The following GNAO1 variants were observed in gnomAD, a reference collection of about 807,000 sequenced individuals.
The protein encoded by GNAO1 is guanine nucleotide-binding protein G(o) subunit alpha.
For synonymous variants in GNAO1, 164 were observed against 180.7 expected (o/e 0.91, Z 0.74); for missense variants, 166 against 478.7 (o/e 0.35, Z 6.10).
intron 2 of GNAO1, among the ~76,000 whole-genome samples, chr16:56,211,398 C>T (rs2036386193): frequency 6.6e-6 from 1 of 152,156 alleles, no homozygotes; most frequent in Non-Finnish European, 1.5e-5. Flanking sequence ...ATAGACACCC[C>T]CAGAACTCCC....
intron 2 of GNAO1, among the ~76,000 whole-genome samples, chr16:56,265,386 C>G (rs1310369305): frequency 6.6e-6 from 1 of 152,240 alleles, no homozygotes. Context: ...CCTGGCCATG[C>G]AGGTCGGGCT....
intron 4 of GNAO1, chr16:56,329,137 CT>C: frequency 4.9e-6 from 1 of 205,456 alleles, no homozygotes; most frequent in Non-Finnish European, 9.7e-6. Context: ...TAGGGAGCCC[CT>C]GACCGCATAA....
At chr16:56,227,782 A>AT (rs1323593694) in intron 2 of GNAO1, among the ~76,000 whole-genome samples, 1 of 146,684 alleles carries the variant, frequency 6.8e-6, no homozygotes, top group Non-Finnish European at 1.5e-5. Context: ...TATTGGTATT[A>AT]TTTTCCCTGG....
chr16:56,196,734 GGT>G (rs1176314981), intron 2 of GNAO1, among the ~76,000 whole-genome samples: 4 of 152,190 alleles, frequency 2.6e-5, no homozygotes, highest in Non-Finnish European at 5.9e-5. Flanking sequence ...CATGCTAGCT[GGT>G]AGTCTTTACC....
At chr16:56,219,569 C>A (rs571141430) in intron 2 of GNAO1, among the ~76,000 whole-genome samples, 1 of 152,248 alleles carries the variant, frequency 6.6e-6, no homozygotes, top group Non-Finnish European at 1.5e-5. Flanking sequence ...GTATCCTTCA[C>A]CTACCCTCTG....
At chr16:56,202,947 A>G (rs1165951672) in intron 2 of GNAO1, among the ~76,000 whole-genome samples, 2 of 152,218 alleles carry the variant, frequency 1.3e-5, no homozygotes, top group Non-Finnish European at 2.9e-5. Flanking sequence ...AAACAATCGG[A>G]CGCAGTAATT....
At chr16:56,208,469 G>C (rs1267977566) in intron 2 of GNAO1, among the ~76,000 whole-genome samples, 1 of 152,104 alleles carries the variant, frequency 6.6e-6, no homozygotes, top group Non-Finnish European at 1.5e-5. Flanking sequence ...GCACGTGTGT[G>C]TGTGTGTATT....
At chr16:56,319,307 C>T (rs2143626402) in intron 3 of GNAO1, among the ~76,000 whole-genome samples, 1 of 152,296 alleles carries the variant, frequency 6.6e-6, no homozygotes, top group Non-Finnish European at 1.5e-5. Flanking sequence ...GTCACCACCA[C>T]CACCCCTGGG....
intron 5 of GNAO1, among the ~76,000 whole-genome samples, chr16:56,336,005 G>A (rs750732157): frequency 1.3e-5 from 2 of 152,170 alleles, no homozygotes; most frequent in Non-Finnish European, 2.9e-5. Context: ...GTGTCAGCAG[G>A]CATCCCAGAT....
At chr16:56,333,747 CA>C (rs746645901) in intron 4 of GNAO1, among the ~76,000 whole-genome samples, 5 of 152,398 alleles carry the variant, frequency 3.3e-5, no homozygotes, top group South Asian at 2.1e-4. Context: ...AGCTGGCCCC[CA>C]GCAGGTCCTG....
chr16:56,343,384 TGAGAA>T (rs2037825202), intron 6 of GNAO1, among the ~76,000 whole-genome samples: 1 of 147,740 alleles, frequency 6.8e-6, no homozygotes, highest in African/African-American at 2.6e-5. Flanking sequence ...CTCAGGAGGC[TGAGAA>T]GAGAGTATTA....
At chr16:56,221,003 C>T (rs1306993266) in intron 2 of GNAO1, among the ~76,000 whole-genome samples, 1 of 152,148 alleles carries the variant, frequency 6.6e-6, no homozygotes, top group Non-Finnish European at 1.5e-5. Flanking sequence ...GCCTTGGCCT[C>T]CCAAAGTGCT....
rs1456274473 is a variant in GNAO1, at chr16:56,336,859, C to T, written c.722C>T (p.Thr241Met). Residue 241 changes from threonine (T) to methionine (M), a missense_variant and splice_region_variant, in exon 6 of 9, where the codon ACG becomes ATG. Coordinates refer to ENST00000262493, the MANE Select transcript of GNAO1 (RefSeq NM_020988.3). The stretch of plus-strand genomic sequence containing the variant: ...CAGGTGCTCCACGAAGACGAAACCA[C>T]GGTGAGTGGCCTGGGCCCCCCGGGC... Reference protein sequence around the residue: ...YDQVLHEDETTNRMHESLMLF... With the variant: ...YDQVLHEDETMNRMHESLMLF... 2 of 1,609,382 alleles carry T rather than the reference C, an allele frequency of 1.2e-6. No individual in the cohort carries two copies. The highest frequency in any genetic ancestry group is 1.7e-6 in the Non-Finnish European group (2 of 1,178,958).
At chr16:56,335,154 G>A (rs1437549367) in intron 5 of GNAO1, among the ~76,000 whole-genome samples, 1 of 152,208 alleles carries the variant, frequency 6.6e-6, no homozygotes, top group Non-Finnish European at 1.5e-5. Context: ...GGAGGAGGAG[G>A]TGGGCTACCA....
intron 2 of GNAO1, among the ~76,000 whole-genome samples, chr16:56,203,732 C>T (rs1157005125): frequency 6.6e-6 from 1 of 152,178 alleles, no homozygotes; most frequent in Non-Finnish European, 1.5e-5. Flanking sequence ...TGACCAAGAT[C>T]ACGCTGACGA....
At chr16:56,292,449 C>A (rs185083420) in intron 3 of GNAO1, among the ~76,000 whole-genome samples, 27 of 152,268 alleles carry the variant, frequency 1.8e-4, no homozygotes, top group African/African-American at 6.5e-4. Flanking sequence ...GCAACCTCTG[C>A]CTCCCAGGCT....
At chr16:56,287,981 A>G (rs763725276) in intron 3 of GNAO1, among the ~76,000 whole-genome samples, 1 of 152,228 alleles carries the variant, frequency 6.6e-6, no homozygotes, top group Non-Finnish European at 1.5e-5. Context: ...TGCACTCAGC[A>G]TAGCATCTGC....
intron 6 of GNAO1, chr16:56,345,700 C>G (rs866311096): frequency 2.0e-6 from 2 of 985,552 alleles, no homozygotes; most frequent in Middle Eastern, 1.0e-3. Flanking sequence ...TGGGAACCAA[C>G]AGTGTCCTAC....
intron 2 of GNAO1, among the ~76,000 whole-genome samples, chr16:56,273,654 C>T (rs577041727): frequency 6.6e-6 from 1 of 152,268 alleles, no homozygotes; most frequent in Admixed American, 6.5e-5. Context: ...GGACTTTATT[C>T]TCCAGGTAGT....
Sources: gnomAD v4.1 joint callset for allele counts (sites outside exome capture counted in the v4.1 genomes callset) on GRCh38, gnomAD v4.1.1 for gene constraint, MANE v1.5 for transcripts, NCBI Gene and HGNC (gene_info 2026-07-23, HGNC 2026-07-21) for gene names.